PDE4D: variants seen among roughly 807,000 people sequenced by gnomAD.
PDE4D encodes the protein phosphodiesterase 4D, also known as 3',5'-cyclic-AMP phosphodiesterase 4D.
A neutral mutation model predicts 87.4 loss-of-function variants in PDE4D; 24 were observed. The ratio of observed to expected loss-of-function variants is 0.27; its 90% CI spans 0.20 to 0.39. The LOEUF (loss-of-function observed/expected upper bound fraction) is 0.39. Among genes scored for constraint, PDE4D ranks in the 10% least tolerant of loss-of-function variants. The pLI, the probability that PDE4D is intolerant of heterozygous loss-of-function variation, is 1.00. For synonymous variants in PDE4D, 384 were observed against 383.2 expected (o/e 1.00, Z -0.02); for missense variants, 714 against 1,041.0 (o/e 0.69, Z 4.32).
intron 1 of PDE4D, among the ~76,000 whole-genome samples, chr5:59,728,044 T>C (rs746477): frequency 0.3 from 45,922 of 152,032 alleles, 7,170 homozygotes; most frequent in Middle Eastern, 0.5. Context: ...CTGTAGTAAC[T>C]GTTGTGTTAT....
chr5:59,008,706 G>A (rs749216529), intron 6 of PDE4D, among the ~76,000 whole-genome samples: 1 of 151,954 alleles, frequency 6.6e-6, no homozygotes, highest in Non-Finnish European at 1.5e-5. Flanking sequence ...ACAAAAGCAT[G>A]AAGCATAAAA....
intron 1 of PDE4D, among the ~76,000 whole-genome samples, chr5:59,664,445 A>AAAC (rs1745741156): frequency 6.6e-6 from 1 of 152,240 alleles, no homozygotes; most frequent in Admixed American, 6.5e-5. Context: ...TTTCATATAT[A>AAAC]TTATTTCATT....
chr5:59,337,439 T>A (rs1456369805), intron 1 of PDE4D, among the ~76,000 whole-genome samples: 1 of 150,718 alleles, frequency 6.6e-6, no homozygotes, highest in Non-Finnish European at 1.5e-5. Flanking sequence ...TTCACGCCAT[T>A]CTCCTGCGTC....
intron 6 of PDE4D, among the ~76,000 whole-genome samples, chr5:59,010,178 T>A (rs1752482336): frequency 6.6e-6 from 1 of 151,956 alleles, no homozygotes; most frequent in Non-Finnish European, 1.5e-5. Context: ...ATACAAAAAA[T>A]TAGCAGGGTG....
intron 1 of PDE4D, among the ~76,000 whole-genome samples, chr5:59,477,352 A>AT (rs1491363684): frequency 3.8e-4 from 42 of 110,652 alleles, no homozygotes; most frequent in Non-Finnish European, 5.4e-4. Flanking sequence ...TTAGAGTATA[A>AT]TAAAAAAAAA....
At chr5:59,325,164 G>A (rs1229476030) in intron 1 of PDE4D, among the ~76,000 whole-genome samples, 1 of 152,108 alleles carries the variant, frequency 6.6e-6, no homozygotes, top group Non-Finnish European at 1.5e-5. Context: ...TTTCTGCTGT[G>A]CTCTGCCCCT....
At chr5:59,441,209 C>T (rs1221780326) in intron 1 of PDE4D, among the ~76,000 whole-genome samples, 2 of 152,032 alleles carry the variant, frequency 1.3e-5, no homozygotes, top group Non-Finnish European at 2.9e-5. Flanking sequence ...ATCCTCCCAG[C>T]TCAGCCTCCT....
chr5:59,641,386 A>ACTGC (rs1264607448), intron 1 of PDE4D, among the ~76,000 whole-genome samples: 2 of 152,238 alleles, frequency 1.3e-5, no homozygotes, highest in Middle Eastern at 3.2e-3. Context: ...TCACTCCCAC[A>ACTGC]CTGCCGACTT....
intron 1 of PDE4D, among the ~76,000 whole-genome samples, chr5:59,344,008 T>C (rs950613530): frequency 1.3e-5 from 2 of 152,172 alleles, no homozygotes; most frequent in African/African-American, 4.8e-5. Context: ...TGAAAATTTA[T>C]ATTAAAAGCA....
intron 1 of PDE4D, among the ~76,000 whole-genome samples, chr5:60,285,179 A>G (rs772672828): frequency 2.0e-5 from 3 of 152,118 alleles, no homozygotes; most frequent in Non-Finnish European, 4.4e-5. Flanking sequence ...ATGTTACATC[A>G]GTCTACATAA....
intron 6 of PDE4D, among the ~76,000 whole-genome samples, chr5:59,010,794 G>A (rs1453110721): frequency 6.6e-6 from 1 of 152,074 alleles, no homozygotes; most frequent in Non-Finnish European, 1.5e-5. Flanking sequence ...AAAGAGTAGT[G>A]GATCTCCCAG....
intron 5 of PDE4D, among the ~76,000 whole-genome samples, chr5:59,081,541 G>T: frequency 8.6e-6 from 1 of 116,218 alleles, no homozygotes; most frequent in African/African-American, 3.4e-5. Flanking sequence ...GAAAAAAAGT[G>T]GGTTTGTTAC....
At chr5:59,203,622 TATACACAC>T (rs1554097272) in intron 2 of PDE4D, among the ~76,000 whole-genome samples, 1 of 150,010 alleles carries the variant, frequency 6.7e-6, no homozygotes, top group Non-Finnish European at 1.5e-5. Context: ...GAAAATGTTA[TATACACAC>T]ACACACACAC....
intron 2 of PDE4D, among the ~76,000 whole-genome samples, chr5:60,099,761 A>T (rs1470550421): frequency 6.6e-6 from 1 of 152,036 alleles, no homozygotes; most frequent in Admixed American, 6.6e-5. Flanking sequence ...TGAAAAATAC[A>T]CTTTCAGACT....
chr5:59,594,470 G>A (rs939907568), intron 1 of PDE4D, among the ~76,000 whole-genome samples: 3 of 151,926 alleles, frequency 2.0e-5, no homozygotes, highest in African/African-American at 4.8e-5. Flanking sequence ...AGAGGTATGT[G>A]TCACCATGAC....
At chr5:59,505,201 T>C (rs1412385412) in intron 1 of PDE4D, among the ~76,000 whole-genome samples, 6 of 152,142 alleles carry the variant, frequency 3.9e-5, no homozygotes, top group Non-Finnish European at 8.8e-5. Flanking sequence ...GCAGCTTTAA[T>C]ACAGCAAAAA....
chr5:59,113,334 C>A (rs1415500161), intron 5 of PDE4D, among the ~76,000 whole-genome samples: 1 of 152,072 alleles, frequency 6.6e-6, no homozygotes, highest in African/African-American at 2.4e-5. Flanking sequence ...ATTTCTGAAC[C>A]ATAACTCTGA....
At chr5:60,181,107 C>A (rs1227761508) in intron 2 of PDE4D, among the ~76,000 whole-genome samples, 1 of 151,962 alleles carries the variant, frequency 6.6e-6, no homozygotes, top group Non-Finnish European at 1.5e-5. Flanking sequence ...ACAAAATGTA[C>A]CATCTTTTCT....
At chr5:59,787,185 G>A (rs114893856) in intron 1 of PDE4D, among the ~76,000 whole-genome samples, 3,793 of 152,224 alleles carry the variant, frequency 0.025, 134 homozygotes, top group African/African-American at 0.076. Context: ...TCTATTTCAT[G>A]GTAGATAATC....
Sources: allele counts gnomAD v4.1 joint callset (sites outside exome capture counted in the v4.1 genomes callset), GRCh38; gene constraint gnomAD v4.1.1; transcripts MANE v1.5; gene names NCBI Gene and HGNC (gene_info 2026-07-23, HGNC 2026-07-21).